Variants in OPCML observed in about 807,000 individuals in gnomAD.
OPCML encodes opioid binding protein/cell adhesion molecule like, also known as opioid-binding protein/cell adhesion molecule.
OPCML carries 13 observed loss-of-function variants against 37.8 expected under a neutral mutation model. The observed-to-expected ratio is 0.34, with a 90% confidence interval of 0.22 to 0.55. The LOEUF is 0.55. OPCML is among the 20% of genes least tolerant of loss of function. The probability of loss-of-function intolerance (pLI) is 0.91; values close to 1 mark genes in which losing one functional copy is unlikely to be tolerated. For missense variants in OPCML, 341 were observed against 435.6 expected (o/e 0.78, Z 1.93); for synonymous variants, 176 against 168.8 (o/e 1.04, Z -0.33).
intron 2 of OPCML, among the ~76,000 whole-genome samples, chr11:132,815,705 A>G (rs907355750): frequency 6.6e-6 from 1 of 152,176 alleles, no homozygotes; most frequent in African/African-American, 2.4e-5. Context: ...AAAGGAGGAC[A>G]TGGGGTTGAG....
At chr11:132,737,202 G>T (rs1321277153) in intron 2 of OPCML, among the ~76,000 whole-genome samples, 5 of 152,192 alleles carry the variant, frequency 3.3e-5, no homozygotes, top group Non-Finnish European at 1.5e-5. Context: ...TTATAAAAAT[G>T]AGAGTAGAAA....
chr11:132,869,028 A>G (rs993567751), intron 2 of OPCML, among the ~76,000 whole-genome samples: 5 of 152,126 alleles, frequency 3.3e-5, no homozygotes, highest in Non-Finnish European at 7.4e-5. Flanking sequence ...TGAGCCAGAG[A>G]GGCATTCTCC....
At chr11:133,279,743 A>C (rs1942091396) in intron 1 of OPCML, among the ~76,000 whole-genome samples, 1 of 152,224 alleles carries the variant, frequency 6.6e-6, no homozygotes, top group South Asian at 2.1e-4. Context: ...CAGAGAAATG[A>C]AAATTTCTCT....
chr11:133,392,699 G>A (rs1945198335), intron 1 of OPCML, among the ~76,000 whole-genome samples: 1 of 152,314 alleles, frequency 6.6e-6, no homozygotes, highest in South Asian at 2.1e-4. Flanking sequence ...CCAAGATTAA[G>A]GGGAGAAAAC....
intron 1 of OPCML, among the ~76,000 whole-genome samples, chr11:133,252,156 T>G (rs908540911): frequency 6.6e-6 from 1 of 152,180 alleles, no homozygotes; most frequent in African/African-American, 2.4e-5. Context: ...GGTTAATCTA[T>G]TAAGACATCA....
intron 2 of OPCML, among the ~76,000 whole-genome samples, chr11:132,690,539 TC>T (rs1398985205): frequency 6.6e-6 from 1 of 152,202 alleles, no homozygotes; most frequent in African/African-American, 2.4e-5. Context: ...TTTCTTTCTC[TC>T]TGAGTACCAG....
At chr11:132,510,400 G>T (rs561337042) in intron 4 of OPCML, among the ~76,000 whole-genome samples, 1 of 152,106 alleles carries the variant, frequency 6.6e-6, no homozygotes, top group Middle Eastern at 3.2e-3. Flanking sequence ...TTTGAAATGT[G>T]AGGACATGAG....
intron 2 of OPCML, among the ~76,000 whole-genome samples, chr11:132,663,885 T>A (rs993160151): frequency 6.6e-6 from 1 of 152,194 alleles, no homozygotes; most frequent in Non-Finnish European, 1.5e-5. Context: ...CAGGCTTGAG[T>A]GCAGTGACGC....
At chr11:132,658,370 G>A (rs1941807219) in intron 2 of OPCML, among the ~76,000 whole-genome samples, 1 of 152,218 alleles carries the variant, frequency 6.6e-6, no homozygotes, top group Non-Finnish European at 1.5e-5. Context: ...TAACACTTGG[G>A]TGGCAGCAGT....
chr11:132,595,231 T>C (rs565716819), intron 3 of OPCML, among the ~76,000 whole-genome samples: 3 of 151,944 alleles, frequency 2.0e-5, no homozygotes, highest in Admixed American at 6.6e-5. Flanking sequence ...AAAAGGCATA[T>C]TGAGAACATG....
At position 133,213,470 on chromosome 11, in the gene OPCML, T is replaced by G. The variant is rs151252733; in HGVS notation, c.62-270460A>C. Among the ~76,000 whole-genome samples, 229 of 152,332 alleles carry G rather than the reference T, an allele frequency of 1.5e-3. 3 individuals are homozygous for G. Among genetic ancestry groups the G allele is most frequent in the African/African-American group, 5.2e-3 (215 of 41,580 alleles). On this transcript the variant is annotated intron_variant, in intron 1 of 7. Coordinates refer to ENST00000524381, the MANE Select transcript of OPCML (RefSeq NM_001012393.5). ...AGAGCAGCATTATTTCAAGTGTGACTGTCCTCAGACAAAAACACTAATGCT... is the reference window on the plus strand; with the variant it reads ...AGAGCAGCATTATTTCAAGTGTGACGGTCCTCAGACAAAAACACTAATGCT...
intron 1 of OPCML, among the ~76,000 whole-genome samples, chr11:133,345,711 A>G (rs574502138): frequency 6.6e-6 from 1 of 152,306 alleles, no homozygotes; most frequent in Admixed American, 6.5e-5. Flanking sequence ...GAGCAAATTT[A>G]ATCGATCTTC....
chr11:133,171,339 C>T (rs1950286120), intron 1 of OPCML, among the ~76,000 whole-genome samples: 1 of 152,196 alleles, frequency 6.6e-6, no homozygotes, highest in African/African-American at 2.4e-5. Context: ...TCTTGCCCTT[C>T]CTAATACCTG....
intron 1 of OPCML, among the ~76,000 whole-genome samples, chr11:132,951,825 G>C (rs1945867059): frequency 6.6e-6 from 1 of 152,290 alleles, no homozygotes; most frequent in South Asian, 2.1e-4. Flanking sequence ...GTTTGAAGAA[G>C]AGGCCACTTT....
intron 4 of OPCML, among the ~76,000 whole-genome samples, chr11:132,496,872 C>T (rs1312000711): frequency 1.3e-5 from 2 of 152,160 alleles, no homozygotes; most frequent in Non-Finnish European, 2.9e-5. Flanking sequence ...TGACGATGCC[C>T]TACAGAGCCT....
At chr11:132,987,524 T>C (rs969149728) in intron 1 of OPCML, among the ~76,000 whole-genome samples, 9 of 152,126 alleles carry the variant, frequency 5.9e-5, no homozygotes, top group Non-Finnish European at 1.2e-4. Context: ...GTGTTAATTC[T>C]GAAAGCCAGG....
At chr11:132,643,778 G>T (rs1270030453) in intron 3 of OPCML, among the ~76,000 whole-genome samples, 1 of 152,116 alleles carries the variant, frequency 6.6e-6, no homozygotes, top group Non-Finnish European at 1.5e-5. Context: ...ACTCTCCCAT[G>T]CCTCTCTCAT....
chr11:132,698,937 T>C (rs908849553), intron 2 of OPCML, among the ~76,000 whole-genome samples: 1 of 152,164 alleles, frequency 6.6e-6, no homozygotes, highest in African/African-American at 2.4e-5. Context: ...TGCATTGAAA[T>C]TGTAAATCGC....
Position 132,989,405 on chromosome 11 carries a change from C to T in OPCML, c.62-46395G>A, listed in dbSNP as rs113401437. ...CAAATCACACATAAAAAATGCATGT[C>T]CTATTTATGAAGATGAAAAATACCA... On this transcript the variant is annotated intron_variant, in intron 1 of 7. Coordinates refer to ENST00000524381, the MANE Select transcript of OPCML (RefSeq NM_001012393.5). Among the ~76,000 whole-genome samples the T allele has an allele frequency of 8.9e-3, 1,349 of 152,144 alleles. 16 individuals are homozygous for T. The highest frequency in any genetic ancestry group is 0.031 in the African/African-American group (1,287 of 41,482).
Sources: gnomAD v4.1 joint callset for allele counts (sites outside exome capture counted in the v4.1 genomes callset) on GRCh38, gnomAD v4.1.1 for gene constraint, MANE v1.5 for transcripts, NCBI Gene and HGNC (gene_info 2026-07-23, HGNC 2026-07-21) for gene names.